Variants in PCDHGB4 observed in about 807,000 individuals in gnomAD.
The protein encoded by PCDHGB4 is protocadherin gamma subfamily B, 4, also known as protocadherin gamma-B4.
A neutral mutation model predicts 60.5 loss-of-function variants in PCDHGB4; 38 were observed. The ratio of observed to expected loss-of-function variants is 0.63; its 90% CI spans 0.48 to 0.82. The LOEUF is 0.82. PCDHGB4 is among the 40% of genes least tolerant of loss of function. The pLI is 0.00. For synonymous variants in PCDHGB4, 456 were observed against 509.7 expected (o/e 0.89, Z 1.42); for missense variants, 1,109 against 1,209.6 (o/e 0.92, Z 1.23).
chr5:141,419,426 G>A (rs753089031), intron 1 of PCDHGB4: 19 of 1,613,194 alleles, frequency 1.2e-5, no homozygotes, highest in Non-Finnish European at 1.5e-5. Context: ...CTTCGACCAC[G>A]AGCAGCTGCG....
In PCDHGB4 at chr5:141,398,254, A is replaced by G. The variant is rs868152545; in HGVS notation, c.2397+7973A>G. 5.5e-6 allele frequency: 8 copies of G among 1,465,970 alleles called. No homozygotes were observed. In the African/African-American group the frequency reaches 8.6e-5, roughly 16 times the overall value. The allele number at this position is 1,465,970 out of a possible 1,614,324, so 90.8% of individuals were successfully genotyped here. On this transcript the variant is annotated intron_variant, in intron 1 of 3. Transcript: ENST00000519479. ...CTACAGGATTCCCGAGGAAATGCCC[A>G]AGGGCTCCGTAGTGGGGAACCTCGC... is the stretch of plus-strand genomic sequence containing the variant.
Position 141,453,588 on chromosome 5 carries a change from CTG to C in PCDHGB4, c.2398-41215_2398-41214del, listed in dbSNP as rs572244169. ...TTCATTAGTTTGTGGTTTATCCTCA[CTG>C]TGTTTCTTTTTGCAAAACGCAAAAA... On this transcript the variant is annotated intron_variant, in intron 1 of 3. Coordinates refer to ENST00000519479, the MANE Select transcript of PCDHGB4 (RefSeq NM_003736.4). Among the ~76,000 whole-genome samples the C allele has an allele frequency of 5.9e-5, 9 of 152,296 alleles. No individual in the cohort carries two copies. In the South Asian group the frequency reaches 1.5e-3, roughly 25 times the overall value.
intron 1 of PCDHGB4, chr5:141,393,690 C>A (rs779487285): frequency 6.2e-7 from 1 of 1,613,752 alleles, no homozygotes; most frequent in African/African-American, 1.3e-5. Flanking sequence ...TCCGTTATTC[C>A]AGCTTAATGA....
At chr5:141,456,099 G>A (rs1428094221) in intron 1 of PCDHGB4, among the ~76,000 whole-genome samples, 5 of 151,980 alleles carry the variant, frequency 3.3e-5, no homozygotes, top group East Asian at 1.9e-4. Flanking sequence ...GGATTTCACC[G>A]TGTTAGCCAG....
Position 141,432,485 on chromosome 5 carries a change from G to C in PCDHGB4, c.2397+42204G>C. 6.2e-7 allele frequency: 1 copy of C among 1,614,186 alleles called. No individual in the cohort carries two copies. The highest frequency in any genetic ancestry group is 8.5e-7 in the Non-Finnish European group (1 of 1,180,040). On this transcript the variant is annotated intron_variant, in intron 1 of 3. Coordinates refer to ENST00000519479, the MANE Select transcript of PCDHGB4 (RefSeq NM_003736.4). The surrounding 1 kb of genome is among the most constrained non-coding windows in gnomAD (Gnocchi z 6.0). ...CCCCACGGACGGTTCCACTGGCGTG[G>C]AGCTGGCTCCCCGCTCCGCAGAGCC...
chr5:141,466,612 C>T (rs141916895), intron 1 of PCDHGB4, among the ~76,000 whole-genome samples: 1 of 152,262 alleles, frequency 6.6e-6, no homozygotes, highest in East Asian at 1.9e-4. Flanking sequence ...TTGTAAACTG[C>T]CGTTTTCTTT....
intron 1 of PCDHGB4, among the ~76,000 whole-genome samples, chr5:141,429,654 T>C (rs1373502548): frequency 6.6e-6 from 1 of 152,232 alleles, no homozygotes; most frequent in Non-Finnish European, 1.5e-5. Context: ...TTCTTCCCAA[T>C]TTAAAATATA....
chr5:141,394,654 C>T lies in PCDHGB4; in HGVS notation c.2397+4373C>T. ...TACCGCCTGCTCAAGGCCAGCGAGCCGGGACTCTTCTCGGTGGGTCTGCAC... is the reference window on the plus strand; with the variant it reads ...TACCGCCTGCTCAAGGCCAGCGAGCTGGGACTCTTCTCGGTGGGTCTGCAC... On this transcript the variant is annotated intron_variant, in intron 1 of 3. Coordinates refer to ENST00000519479, the MANE Select transcript of PCDHGB4 (RefSeq NM_003736.4). 1.9e-6 allele frequency: 3 copies of T among 1,613,236 alleles called. No homozygotes were observed. Among genetic ancestry groups the T allele is most frequent in the Non-Finnish European group, 2.5e-6 (3 of 1,179,928 alleles).
chr5:141,427,742 C>T, intron 1 of PCDHGB4: 2 of 1,247,208 alleles, frequency 1.6e-6, no homozygotes, highest in Non-Finnish European at 2.3e-6. Context: ...GCCAAGTCTC[C>T]TACTCCATCG....
chr5:141,459,315 T>A (rs2154566534), intron 1 of PCDHGB4, among the ~76,000 whole-genome samples: 1 of 152,362 alleles, frequency 6.6e-6, no homozygotes, highest in Non-Finnish European at 1.5e-5. Flanking sequence ...CTATTTTGTA[T>A]CCATCTTCTT....
Position 141,477,653 on chromosome 5 carries a change from A to C in PCDHGB4, c.2398-17154A>C. ...GCTAGTGGGTCGCTATTTCACAATA[A>C]ATCGTGACAATGGCATAGTGTCATC... On this transcript the variant is annotated intron_variant, in intron 1 of 3. Transcript: ENST00000519479. The surrounding 1 kb of genome is among the most constrained non-coding windows in gnomAD (Gnocchi z 4.9). The C allele has an allele frequency of 1.2e-6, 2 of 1,614,204 alleles. No individual in the cohort carries two copies. Among genetic ancestry groups the C allele is most frequent in the Non-Finnish European group, 1.7e-6 (2 of 1,180,036 alleles).
In PCDHGB4 at chr5:141,477,551, C is replaced by T. The variant is rs372055994; in HGVS notation, c.2398-17256C>T. ...CCTCCCCGGGGCTCCAATACTAAAC[C>T]TAAGTGTCTGGGACCCCGACGCCCC... On this transcript the variant is annotated intron_variant, in intron 1 of 3. Coordinates refer to ENST00000519479, the MANE Select transcript of PCDHGB4 (RefSeq NM_003736.4). The surrounding 1 kb of genome is among the most constrained non-coding windows in gnomAD (Gnocchi z 4.9). The T allele has an allele frequency of 8.1e-6, 13 of 1,614,060 alleles. No homozygotes were observed. Among genetic ancestry groups the T allele is most frequent in the Non-Finnish European group, 1.0e-5 (12 of 1,180,042 alleles).
In PCDHGB4 at chr5:141,477,097, G is replaced by A; in HGVS notation, c.2398-17710G>A. ...AGATTTACATCCAGGCCAAAGACAAGGGCGCCAATCCCGAAGGAGCACATT... is the reference window on the plus strand; with the variant it reads ...AGATTTACATCCAGGCCAAAGACAAAGGCGCCAATCCCGAAGGAGCACATT... On this transcript the variant is annotated intron_variant, in intron 1 of 3. Transcript: ENST00000519479. This position sits in a 1 kb window ranked among gnomAD's most constrained non-coding sequence, Gnocchi z 4.9. 1 of 1,614,242 alleles carries A rather than the reference G, an allele frequency of 6.2e-7. No homozygotes were observed. Among genetic ancestry groups the A allele is most frequent in the South Asian group, 1.1e-5 (1 of 91,088 alleles).
intron 1 of PCDHGB4, chr5:141,478,873 T>C: frequency 7.8e-7 from 1 of 1,274,424 alleles, no homozygotes; most frequent in African/African-American, 1.5e-5. Context: ...GATCAGAGTT[T>C]AGCTTGGTAT....
At position 141,476,387 on chromosome 5, in the gene PCDHGB4, C is replaced by A. The variant is rs147660262; in HGVS notation, c.2398-18420C>A. ...GACCGGAGAGATGTTTGTGAACGAC[C>A]GTCTGGATCGAGAGGAGCTGTGTGG... is the stretch of plus-strand genomic sequence containing the variant. On this transcript the variant is annotated intron_variant, in intron 1 of 3. Transcript: ENST00000519479. The surrounding 1 kb of genome is among the most constrained non-coding windows in gnomAD (Gnocchi z 7.6). 1.2e-6 allele frequency: 2 copies of A among 1,614,076 alleles called. No individual in the cohort carries two copies. Among genetic ancestry groups the A allele is most frequent in the Non-Finnish European group, 8.5e-7 (1 of 1,180,024 alleles).
At chr5:141,415,284 G>A (rs186109113) in intron 1 of PCDHGB4, 27 of 1,614,198 alleles carry the variant, frequency 1.7e-5, no homozygotes, top group Non-Finnish European at 2.3e-5. Context: ...CGGTGGCCGC[G>A]GTCTCCTGCG....
At position 141,485,632 on chromosome 5, in the gene PCDHGB4, G is replaced by C; in HGVS notation, c.2398-9175G>C. 6.2e-7 allele frequency: 1 copy of C among 1,611,766 alleles called. No individual in the cohort carries two copies. The highest frequency in any genetic ancestry group is 8.5e-7 in the Non-Finnish European group (1 of 1,178,342). ...CAGCTCCTCCAGGACAGCGTTTCCC[G>C]TTGGAAAAGGCTCAGGATGCAGATG... is the stretch of plus-strand genomic sequence containing the variant. On this transcript the variant is annotated intron_variant, in intron 1 of 3. Coordinates refer to ENST00000519479, the MANE Select transcript of PCDHGB4 (RefSeq NM_003736.4). This position sits in a 1 kb window ranked among gnomAD's most constrained non-coding sequence, Gnocchi z 5.7.
chr5:141,454,832 G>A (rs1311246854), intron 1 of PCDHGB4, among the ~76,000 whole-genome samples: 2 of 75,830 alleles, frequency 2.6e-5, no homozygotes, highest in African/African-American at 1.3e-4. Context: ...TTTTGAGACA[G>A]AGTCGCGCTC....
chr5:141,422,467 G>A (rs1380910490), intron 1 of PCDHGB4: 1 of 1,613,664 alleles, frequency 6.2e-7, no homozygotes, highest in Non-Finnish European at 8.5e-7. Context: ...GCTGGACAGG[G>A]AGTTGGTCCA....
Sources: gnomAD v4.1 joint callset for allele counts (sites outside exome capture counted in the v4.1 genomes callset) on GRCh38, gnomAD v4.1.1 for gene constraint, Gnocchi (gnomAD v3.1) non-coding constraint, MANE v1.5 for transcripts, NCBI Gene and HGNC (gene_info 2026-07-23, HGNC 2026-07-21) for gene names.